The following CDK8 variants were observed in gnomAD, a reference collection of about 807,000 sequenced individuals.
CDK8 encodes cyclin-dependent kinase 8.
CDK8 carries 29 observed loss-of-function variants against 71.5 expected under a neutral mutation model. That is an observed-to-expected ratio of 0.41 (90% confidence interval 0.30 to 0.55). CDK8 has a LOEUF of 0.55. CDK8 is among the 20% of genes least tolerant of loss of function. The probability of loss-of-function intolerance (pLI) is 0.37; values close to 1 mark genes in which losing one functional copy is unlikely to be tolerated. For missense variants in CDK8, 288 were observed against 572.6 expected (o/e 0.50, Z 5.07); for synonymous variants, 161 against 192.1 (o/e 0.84, Z 1.34).
intron 1 of CDK8, among the ~76,000 whole-genome samples, chr13:26,320,560 C>G (rs1874729219): frequency 6.6e-6 from 1 of 151,964 alleles, no homozygotes. Flanking sequence ...TTTCTTGGAT[C>G]AAAAGACACT....
At chr13:26,336,098 C>T (rs1483282102) in intron 1 of CDK8, among the ~76,000 whole-genome samples, 7 of 146,512 alleles carry the variant, frequency 4.8e-5, no homozygotes, top group Admixed American at 4.3e-4. Flanking sequence ...TGTGACTGCA[C>T]CTCTCTTAAC....
At position 26,259,162 on chromosome 13, in the gene CDK8, A is replaced by G. The variant is rs187121094; in HGVS notation, c.128+4393A>G. ...CCAAATACAATATGTAATTTCTATC[A>G]CTGGAATAGTCATGTATACAATAAA... On this transcript the variant is annotated intron_variant, in intron 1 of 12. Transcript: ENST00000381527. Among the ~76,000 whole-genome samples the G allele has an allele frequency of 4.6e-5, 7 of 152,306 alleles. No individual in the cohort carries two copies. In the East Asian group the frequency reaches 1.4e-3, roughly 29 times the overall value.
At chr13:26,380,380 C>G (rs1294724623) in intron 4 of CDK8, among the ~76,000 whole-genome samples, 1 of 152,146 alleles carries the variant, frequency 6.6e-6, no homozygotes, top group Non-Finnish European at 1.5e-5. Context: ...AGGGTTTTAT[C>G]ATGTTGTTCA....
chr13:26,335,930 A>AACG (rs2137970619), intron 1 of CDK8, among the ~76,000 whole-genome samples: 1 of 151,444 alleles, frequency 6.6e-6, no homozygotes, highest in South Asian at 2.1e-4. Context: ...TAACAACAAC[A>AACG]ACAACAACAA....
intron 1 of CDK8, among the ~76,000 whole-genome samples, chr13:26,314,349 A>C (rs1007960924): frequency 6.6e-6 from 1 of 152,222 alleles, no homozygotes; most frequent in Non-Finnish European, 1.5e-5. Context: ...TAACATCATC[A>C]ATCTAAATTC....
At chr13:26,352,575 G>C (rs143254524) in intron 3 of CDK8, among the ~76,000 whole-genome samples, 36 of 152,186 alleles carry the variant, frequency 2.4e-4, no homozygotes, top group African/African-American at 8.7e-4. Context: ...TAGGACAGGT[G>C]ACAAAACAGC....
At chr13:26,382,995 T>A in intron 5 of CDK8, 124 bp downstream of exon 5, 1 of 540,974 alleles carries the variant, frequency 1.8e-6, no homozygotes, top group East Asian at 3.0e-5. Context: ...ATCGAAGCCA[T>A]TTCTAAAGAG....
rs376440112 is a variant in CDK8, at chr13:26,282,580, G to A, written c.128+27811G>A. On this transcript the variant is annotated intron_variant, in intron 1 of 12. Transcript: ENST00000381527. ...GCTAAAAGGAGTTCTAAATGTTGAA[G>A]CAAAACCTTGAAATACACCAAAATA... 2.1e-4 allele frequency among the ~76,000 whole-genome samples: 32 copies of A among 152,270 alleles called. No individual in the cohort carries two copies. The East Asian group carries it at 4.8e-3, about 23-fold the overall frequency.
intron 1 of CDK8, among the ~76,000 whole-genome samples, chr13:26,267,417 C>G (rs151062541): frequency 6.6e-6 from 1 of 152,128 alleles, no homozygotes; most frequent in Admixed American, 6.5e-5. Context: ...AAATCTAAGT[C>G]CCCCTTTTAC....
In CDK8 at chr13:26,255,496, T is replaced by A. The variant is rs141242506; in HGVS notation, c.128+727T>A. Among the ~76,000 whole-genome samples, 1,019 of 152,290 alleles carry A rather than the reference T, an allele frequency of 6.7e-3. 16 individuals are homozygous for A. The highest frequency in any genetic ancestry group is 0.023 in the African/African-American group (937 of 41,548). On this transcript the variant is annotated intron_variant, in intron 1 of 12. Transcript: ENST00000381527. ...ATAATCCCTTTGCTTTAAATATTCT[T>A]CCCTAGTAACAACTTAATTAAACCT... is the stretch of plus-strand genomic sequence containing the variant.
At chr13:26,341,009 C>T (rs1873217414) in intron 2 of CDK8, among the ~76,000 whole-genome samples, 1 of 152,186 alleles carries the variant, frequency 6.6e-6, no homozygotes, top group South Asian at 2.1e-4. Context: ...ATTTTTCAAA[C>T]TGCACATGGG....
intron 1 of CDK8, among the ~76,000 whole-genome samples, chr13:26,301,968 A>G (rs1475776898): frequency 6.6e-6 from 1 of 152,216 alleles, no homozygotes; most frequent in African/African-American, 2.4e-5. Flanking sequence ...TGCATATTAC[A>G]TTCTCTATTT....
At chr13:26,307,229 T>A (rs948293335) in intron 1 of CDK8, among the ~76,000 whole-genome samples, 3 of 152,116 alleles carry the variant, frequency 2.0e-5, no homozygotes, top group African/African-American at 7.2e-5. Flanking sequence ...CAGATGGAAT[T>A]ATGGTTTCTA....
At chr13:26,263,534 T>G (rs1284518200) in intron 1 of CDK8, among the ~76,000 whole-genome samples, 1 of 151,538 alleles carries the variant, frequency 6.6e-6, no homozygotes, top group East Asian at 2.0e-4. Flanking sequence ...CTCCGCCTCC[T>G]TGGTTCAAGA....
intron 4 of CDK8, among the ~76,000 whole-genome samples, chr13:26,365,600 T>C (rs751240382): frequency 1.3e-5 from 2 of 152,130 alleles, no homozygotes; most frequent in Non-Finnish European, 2.9e-5. Context: ...GGAGTTTCTT[T>C]AAGATGTTTT....
chr13:26,386,182 T>C lies in CDK8; in HGVS notation c.646+840T>C, dbSNP rs1036577393. ...CAATCTATAAGCAGAATTAGTAATA[T>C]CTTCATCACTTTGTCAATGTTGACA... On this transcript the variant is annotated intron_variant, in intron 6 of 12. Transcript: ENST00000381527. Among the ~76,000 whole-genome samples the C allele has an allele frequency of 7.5e-4, 115 of 152,338 alleles. 2 individuals carry two copies. The highest frequency in any genetic ancestry group is 2.6e-3 in the African/African-American group (109 of 41,576).
chr13:26,289,247 G>A (rs1873180555), intron 1 of CDK8, among the ~76,000 whole-genome samples: 2 of 151,572 alleles, frequency 1.3e-5, no homozygotes, highest in African/African-American at 4.9e-5. Flanking sequence ...TAGAGATGGA[G>A]TTTCACCATG....
intron 5 of CDK8, among the ~76,000 whole-genome samples, chr13:26,384,909 T>C (rs375278080): frequency 6.6e-6 from 1 of 152,202 alleles, no homozygotes; most frequent in African/African-American, 2.4e-5. Context: ...TCAACAACCC[T>C]GTCCCTAACG....
chr13:26,293,335 G>T (rs1054262124), intron 1 of CDK8, among the ~76,000 whole-genome samples: 1 of 151,990 alleles, frequency 6.6e-6, no homozygotes, highest in Non-Finnish European at 1.5e-5. Flanking sequence ...GGGCATGGTG[G>T]CTCACGCCTG....
Sources: gnomAD v4.1 joint callset for allele counts (sites outside exome capture counted in the v4.1 genomes callset) on GRCh38, gnomAD v4.1.1 for gene constraint, MANE v1.5 for transcripts, NCBI Gene and HGNC (gene_info 2026-07-23, HGNC 2026-07-21) for gene names.